The following NT5E variants were observed in gnomAD, a reference collection of about 807,000 sequenced individuals.
NT5E encodes the protein 5'-nucleotidase.
NT5E carries 53 observed loss-of-function variants against 55.1 expected under a neutral mutation model. The ratio of observed to expected loss-of-function variants is 0.96; its 90% CI spans 0.77 to 1.21. The LOEUF is 1.21. Ranked by LOEUF, NT5E falls within the 50% of genes most tolerant of loss-of-function variation. The pLI, the probability that NT5E is intolerant of heterozygous loss-of-function variation, is 0.00. For synonymous variants in NT5E, 270 were observed against 278.4 expected, an observed-to-expected ratio of 0.97 and a Z score of 0.30; for missense variants, 683 against 724.3, an observed-to-expected ratio of 0.94 and a Z score of 0.65.
At chr6:85,476,900 G>C (rs1451331458) in intron 3 of NT5E, among the ~76,000 whole-genome samples, 3 of 152,112 alleles carry the variant, frequency 2.0e-5, no homozygotes, top group Non-Finnish European at 4.4e-5. Context: ...GGACAGGATG[G>C]GGGGCAGGGC....
At chr6:85,478,179 G>T (rs1769474011) in intron 3 of NT5E, among the ~76,000 whole-genome samples, 1 of 152,202 alleles carries the variant, frequency 6.6e-6, no homozygotes, top group South Asian at 2.1e-4. Flanking sequence ...ACAGAGCAAA[G>T]CCAGAGCCTT....
At chr6:85,453,129 A>G (rs912069576) in intron 1 of NT5E, among the ~76,000 whole-genome samples, 8 of 152,146 alleles carry the variant, frequency 5.3e-5, no homozygotes, top group Admixed American at 4.6e-4. Context: ...AAAACTGGGA[A>G]GAGGATGGCA....
At chr6:85,475,691 A>G (rs1368814838) in intron 3 of NT5E, among the ~76,000 whole-genome samples, 1 of 152,058 alleles carries the variant, frequency 6.6e-6, no homozygotes, top group Non-Finnish European at 1.5e-5. Flanking sequence ...CCTTGAAGGG[A>G]CTCCAAAGAT....
intron 3 of NT5E, among the ~76,000 whole-genome samples, chr6:85,479,233 A>T (rs1323886584): frequency 6.6e-6 from 1 of 152,244 alleles, no homozygotes; most frequent in Non-Finnish European, 1.5e-5. Context: ...AAAATGACTA[A>T]ATGTATCTTC....
rs975715578 is a variant in NT5E, at chr6:85,494,179, C to A, written c.*175C>A. 1.1e-5 allele frequency: 7 copies of A among 656,940 alleles called. No individual in the cohort carries two copies. The highest frequency in any genetic ancestry group is 1.3e-5 in the Non-Finnish European group (5 of 385,212). The allele number at this position is 656,940 out of a possible 1,614,324, so 40.7% of individuals were successfully genotyped here. A position where few individuals can be genotyped will look rare whatever the true frequency, so the allele number is the denominator to read the frequency against. Reference sequence around the variant, plus strand: ...AGACATGATTACTCAGGGTCAGCAACCTAGTGAGTTAGAAAAAAAATTAAC... The same window carrying A: ...AGACATGATTACTCAGGGTCAGCAAACTAGTGAGTTAGAAAAAAAATTAAC... On this transcript the variant is annotated 3_prime_UTR_variant, in exon 9 of 9. Coordinates refer to ENST00000257770, the MANE Select transcript of NT5E (RefSeq NM_002526.4).
chr6:85,453,492 T>G (rs1457355223), intron 1 of NT5E, among the ~76,000 whole-genome samples: 1 of 152,176 alleles, frequency 6.6e-6, no homozygotes, highest in Non-Finnish European at 1.5e-5. Context: ...TAAGTACCAT[T>G]GCCTAAACTA....
At chr6:85,463,263 A>G (rs943143185) in intron 1 of NT5E, among the ~76,000 whole-genome samples, 6 of 152,228 alleles carry the variant, frequency 3.9e-5, no homozygotes, top group Admixed American at 3.9e-4. Context: ...TAGTGTTTTT[A>G]GTAAACATAT....
chr6:85,486,335 C>T lies in NT5E; in HGVS notation c.949+903C>T, dbSNP rs563918670. 5.3e-5 allele frequency among the ~76,000 whole-genome samples: 8 copies of T among 152,284 alleles called. No individual in the cohort carries two copies. The East Asian group carries it at 1.4e-3, about 26-fold the overall frequency. On this transcript the variant is annotated intron_variant, in intron 4 of 8. Transcript: ENST00000257770. ...TCAGCAGTAACAATTGCAACAAAAACTGGTTACAAATAATCCATGGAAACA... is the reference window on the plus strand; with the variant it reads ...TCAGCAGTAACAATTGCAACAAAAATTGGTTACAAATAATCCATGGAAACA...
At chr6:85,453,885 G>A (rs1054928902) in intron 1 of NT5E, among the ~76,000 whole-genome samples, 1 of 152,114 alleles carries the variant, frequency 6.6e-6, no homozygotes, top group Non-Finnish European at 1.5e-5. Flanking sequence ...GTGTTTGATG[G>A]ACTGCATATA....
intron 3 of NT5E, among the ~76,000 whole-genome samples, chr6:85,482,028 GTAATT>G (rs752220552): frequency 1.3e-5 from 2 of 152,186 alleles, no homozygotes; most frequent in Non-Finnish European, 2.9e-5. Flanking sequence ...ACACTTCTAA[GTAATT>G]TAAAAGAAAG....
At chr6:85,466,987 G>T in intron 1 of NT5E, 73 bp from the exon 2 acceptor site, 1 of 1,401,844 alleles carries the variant, frequency 7.1e-7, no homozygotes, top group East Asian at 2.4e-5. Context: ...AGCTTAGTCA[G>T]TTTTGAGAAA....
At chr6:85,476,648 T>C (rs571898627) in intron 3 of NT5E, among the ~76,000 whole-genome samples, 2 of 152,292 alleles carry the variant, frequency 1.3e-5, no homozygotes, top group South Asian at 4.1e-4. Flanking sequence ...AAATTGAAGA[T>C]GGTGAATGTG....
chr6:85,455,907 G>A (rs1768980076), intron 1 of NT5E, among the ~76,000 whole-genome samples: 1 of 152,166 alleles, frequency 6.6e-6, no homozygotes, highest in South Asian at 2.1e-4. Flanking sequence ...AAAGCAGTTT[G>A]TGTGTATGTG....
At chr6:85,464,118 A>G (rs962433357) in intron 1 of NT5E, among the ~76,000 whole-genome samples, 2 of 99,556 alleles carry the variant, frequency 2.0e-5, no homozygotes, top group Non-Finnish European at 3.8e-5. Context: ...GCTAGGCTTT[A>G]TGCAAATATA....
chr6:85,459,471 T>G (rs1303189551), intron 1 of NT5E, among the ~76,000 whole-genome samples: 1 of 152,268 alleles, frequency 6.6e-6, no homozygotes, highest in Non-Finnish European at 1.5e-5. Context: ...GAAACTCTGC[T>G]ATCCTTTGTT....
chr6:85,492,602 G>A (rs1282943711), intron 8 of NT5E, among the ~76,000 whole-genome samples: 2 of 152,134 alleles, frequency 1.3e-5, no homozygotes, highest in African/African-American at 4.8e-5. Flanking sequence ...TGGGGTGAGC[G>A]CCGCCCTTTC....
At chr6:85,489,101 G>C (rs1218605444) in intron 5 of NT5E, among the ~76,000 whole-genome samples, 1 of 152,154 alleles carries the variant, frequency 6.6e-6, no homozygotes, top group Non-Finnish European at 1.5e-5. Flanking sequence ...GTCTGGTGTT[G>C]AGCAGGCTCT....
chr6:85,465,138 C>A (rs1769165598), intron 1 of NT5E, among the ~76,000 whole-genome samples: 1 of 152,176 alleles, frequency 6.6e-6, no homozygotes, highest in African/African-American at 2.4e-5. Flanking sequence ...AGGGGCTCCT[C>A]TCCCCATGGG....
At chr6:85,457,701 C>T (rs1246920671) in intron 1 of NT5E, among the ~76,000 whole-genome samples, 1 of 152,074 alleles carries the variant, frequency 6.6e-6, no homozygotes, top group African/African-American at 2.4e-5. Context: ...AGTTTTGAGC[C>T]TGAGTCTTTG....
Sources: allele counts gnomAD v4.1 joint callset (sites outside exome capture counted in the v4.1 genomes callset), GRCh38; gene constraint gnomAD v4.1.1; transcripts MANE v1.5; gene names NCBI Gene and HGNC (gene_info 2026-07-23, HGNC 2026-07-21).